The following DOCK4 variants were observed in gnomAD, a reference collection of about 807,000 sequenced individuals.
DOCK4 encodes the protein dedicator of cytokinesis protein 4.
Under a neutral mutation model 268.1 loss-of-function variants are expected in DOCK4, and 97 were observed. The ratio of observed to expected loss-of-function variants is 0.36; its 90% CI spans 0.31 to 0.43. The LOEUF is 0.43. DOCK4 is among the 20% of genes least tolerant of loss of function. The pLI is 1.00. For synonymous variants in DOCK4, 954 were observed against 887.2 expected, an observed-to-expected ratio of 1.08 and a Z score of -1.34; for missense variants, 2,145 against 2,455.7, an observed-to-expected ratio of 0.87 and a Z score of 2.67.
At chr7:111,994,314 A>G in intron 4 of DOCK4, 83 bp from the exon 5 acceptor site, 1 of 776,098 alleles carries the variant, frequency 1.3e-6, no homozygotes, top group South Asian at 2.2e-5. Context: ...GATAACTAGA[A>G]AAGAAAGCTG....
chr7:111,943,042 G>C (rs1795332047), intron 10 of DOCK4, among the ~76,000 whole-genome samples: 1 of 152,206 alleles, frequency 6.6e-6, no homozygotes, highest in Admixed American at 6.5e-5. Flanking sequence ...GGAGCTGGCA[G>C]ACTAAATCTT....
chr7:112,102,393 C>G (rs1157101968), intron 1 of DOCK4, among the ~76,000 whole-genome samples: 1 of 152,054 alleles, frequency 6.6e-6, no homozygotes, highest in African/African-American at 2.4e-5. Flanking sequence ...CTCAGCCCTG[C>G]CATTTTCTAG....
At chr7:111,928,274 T>A (rs1013001181) in intron 12 of DOCK4, among the ~76,000 whole-genome samples, 5 of 152,226 alleles carry the variant, frequency 3.3e-5, no homozygotes, top group African/African-American at 1.2e-4. Context: ...ATTATTTTAA[T>A]TTACTGAAAT....
At chr7:111,911,863 A>AT (rs1045917528) in intron 13 of DOCK4, among the ~76,000 whole-genome samples, 2 of 151,760 alleles carry the variant, frequency 1.3e-5, no homozygotes, top group Non-Finnish European at 2.9e-5. Flanking sequence ...AGTGGGATGA[A>AT]TTTTTTTTGT....
intron 16 of DOCK4, among the ~76,000 whole-genome samples, chr7:111,891,740 C>G (rs1562852246): frequency 6.6e-6 from 1 of 152,198 alleles, no homozygotes; most frequent in Non-Finnish European, 1.5e-5. Flanking sequence ...CTTAACCTTG[C>G]TCTCCAATTC....
intron 46 of DOCK4, 37 bp downstream of exon 46, chr7:111,741,503 G>T: frequency 6.2e-7 from 1 of 1,606,204 alleles, no homozygotes; most frequent in Non-Finnish European, 8.5e-7. Context: ...GCTTGCGGGT[G>T]AGGCCAAATT....
intron 25 of DOCK4, chr7:111,840,742 G>A (rs372914211): frequency 1.7e-6 from 2 of 1,198,804 alleles, no homozygotes; most frequent in Non-Finnish European, 2.1e-6. Context: ...ATGGCACATT[G>A]TGGGATCTGC....
chr7:111,885,773 T>C (rs566158354), intron 16 of DOCK4, among the ~76,000 whole-genome samples: 4 of 152,342 alleles, frequency 2.6e-5, no homozygotes, highest in Non-Finnish European at 5.9e-5. Context: ...TGCTTTACTA[T>C]ACTTGGAGTC....
At chr7:112,153,194 T>C (rs1009965116) in intron 1 of DOCK4, among the ~76,000 whole-genome samples, 7 of 152,216 alleles carry the variant, frequency 4.6e-5, no homozygotes, top group African/African-American at 1.7e-4. Context: ...GCTGAGTTTT[T>C]AAGTAATTCT....
chr7:111,833,559 A>G (rs532079257), intron 26 of DOCK4, among the ~76,000 whole-genome samples: 62 of 152,162 alleles, frequency 4.1e-4, no homozygotes, highest in Non-Finnish European at 6.9e-4. Flanking sequence ...AAAAGAAAAA[A>G]GATTCAATGT....
intron 25 of DOCK4, among the ~76,000 whole-genome samples, chr7:111,844,078 C>G (rs1803900231): frequency 6.6e-6 from 1 of 152,134 alleles, no homozygotes; most frequent in Non-Finnish European, 1.5e-5. Flanking sequence ...AGCTCGAGAT[C>G]AGCCTGACCA....
chr7:111,768,990 T>C (rs1046880146), intron 37 of DOCK4, among the ~76,000 whole-genome samples: 5 of 152,146 alleles, frequency 3.3e-5, no homozygotes, highest in Non-Finnish European at 7.4e-5. Context: ...AGTGCCCTTA[T>C]AAAAGAGGCC....
chr7:111,838,624 A>G (rs769180475), intron 25 of DOCK4, among the ~76,000 whole-genome samples: 121 of 152,314 alleles, frequency 7.9e-4, no homozygotes, highest in Non-Finnish European at 1.5e-3. Context: ...TTCCATTCAT[A>G]TCAAATTCTA....
At chr7:112,076,588 T>A (rs1330522774) in intron 1 of DOCK4, among the ~76,000 whole-genome samples, 1 of 152,188 alleles carries the variant, frequency 6.6e-6, no homozygotes, top group Non-Finnish European at 1.5e-5. Flanking sequence ...ATTCTCCAGG[T>A]AGCCAGTTTA....
chr7:111,771,895 CTTCT>C (rs1341357992), intron 36 of DOCK4, among the ~76,000 whole-genome samples: 1 of 152,100 alleles, frequency 6.6e-6, no homozygotes, highest in African/African-American at 2.4e-5. Context: ...CAGGAGTTAC[CTTCT>C]TTGTCACTCA....
intron 11 of DOCK4, among the ~76,000 whole-genome samples, chr7:111,939,408 AG>A (rs1795019297): frequency 6.6e-6 from 1 of 150,898 alleles, no homozygotes; most frequent in Non-Finnish European, 1.5e-5. Flanking sequence ...CCAGCTACTC[AG>A]GAGGCTGGGG....
intron 1 of DOCK4, among the ~76,000 whole-genome samples, chr7:112,203,216 G>A (rs1405967562): frequency 6.6e-6 from 1 of 152,190 alleles, no homozygotes; most frequent in Non-Finnish European, 1.5e-5. Flanking sequence ...CTCCTAAGGT[G>A]AAATTGCCTA....
intron 30 of DOCK4, among the ~76,000 whole-genome samples, chr7:111,798,869 G>C (rs1328964920): frequency 2.0e-5 from 3 of 152,196 alleles, no homozygotes; most frequent in African/African-American, 7.2e-5. Context: ...TGAAAGGAAA[G>C]ATATTCTCTT....
At chr7:111,819,490 A>T (rs1801816629) in intron 27 of DOCK4, 1 of 152,204 alleles carries the variant, frequency 6.6e-6, no homozygotes, top group African/African-American at 2.4e-5. Flanking sequence ...GCAGAATTAT[A>T]AGTGGGCACA....
Sources: allele counts gnomAD v4.1 joint callset (sites outside exome capture counted in the v4.1 genomes callset), GRCh38; gene constraint gnomAD v4.1.1; transcripts MANE v1.5; gene names NCBI Gene and HGNC (gene_info 2026-07-23, HGNC 2026-07-21).